Variants in NRXN3 observed in about 807,000 individuals in gnomAD.
NRXN3 encodes the protein neurexin III.
A neutral mutation model predicts 137.6 loss-of-function variants in NRXN3; 32 were observed. The observed-to-expected ratio is 0.23, with a 90% confidence interval of 0.18 to 0.31. NRXN3 has a LOEUF of 0.31. NRXN3 is among the 10% of genes least tolerant of loss of function. NRXN3 has a pLI of 1.00. For missense variants in NRXN3, 1,574 were observed against 2,062.5 expected, an observed-to-expected ratio of 0.76 and a Z score of 4.59; for synonymous variants, 798 against 784.5, an observed-to-expected ratio of 1.02 and a Z score of -0.29.
intron 16 of NRXN3, among the ~76,000 whole-genome samples, chr14:79,526,791 A>C (rs1381758790): frequency 6.6e-6 from 1 of 152,178 alleles, no homozygotes; most frequent in East Asian, 1.9e-4. Context: ...CGTGAGAGAC[A>C]CTTATTGGAA....
intron 10 of NRXN3, among the ~76,000 whole-genome samples, chr14:78,820,842 A>G (rs780592008): frequency 6.6e-6 from 1 of 152,210 alleles, no homozygotes; most frequent in Non-Finnish European, 1.5e-5. Context: ...GCAAAATGTA[A>G]TGGAGATCAT....
chr14:79,727,319 C>A (rs1338341252), intron 19 of NRXN3, among the ~76,000 whole-genome samples: 1 of 152,088 alleles, frequency 6.6e-6, no homozygotes, highest in Non-Finnish European at 1.5e-5. Context: ...GTATGAGTAG[C>A]CGGGAATATT....
chr14:79,604,764 G>T (rs990084546), intron 16 of NRXN3, among the ~76,000 whole-genome samples: 12 of 152,066 alleles, frequency 7.9e-5, no homozygotes, highest in Non-Finnish European at 1.6e-4. Context: ...GGGTGTGGCG[G>T]CTCATGCCTA....
At chr14:79,778,414 TCAAAACAAAAAAACAAAACAAAA>T (rs1414552427) in intron 19 of NRXN3, among the ~76,000 whole-genome samples, 7 of 152,100 alleles carry the variant, frequency 4.6e-5, no homozygotes, top group African/African-American at 1.4e-4. Context: ...AGACTCTGTC[TCAAAACAAAAAAACAAAACAAAA>T]CAAAACAAAA....
intron 19 of NRXN3, among the ~76,000 whole-genome samples, chr14:79,748,470 C>T (rs1393518448): frequency 1.3e-5 from 2 of 152,060 alleles, no homozygotes; most frequent in Non-Finnish European, 2.9e-5. Context: ...TTTGCCAAGC[C>T]ATCCAGATAC....
At chr14:79,541,822 A>G (rs1366342256) in intron 16 of NRXN3, among the ~76,000 whole-genome samples, 1 of 152,228 alleles carries the variant, frequency 6.6e-6, no homozygotes, top group Non-Finnish European at 1.5e-5. Context: ...ACACATCATG[A>G]GGAACCATCA....
intron 16 of NRXN3, among the ~76,000 whole-genome samples, chr14:79,592,672 T>C (rs998061451): frequency 1.3e-5 from 2 of 152,212 alleles, no homozygotes; most frequent in East Asian, 3.8e-4. Flanking sequence ...AAAATGATTT[T>C]CTAAGACCTT....
chr14:78,397,800 C>T (rs1218367234), intron 4 of NRXN3, among the ~76,000 whole-genome samples: 1 of 149,496 alleles, frequency 6.7e-6, no homozygotes, highest in Non-Finnish European at 1.5e-5. Flanking sequence ...GACAGGGTTT[C>T]ACCAGGTTGC....
chr14:79,086,347 T>C (rs532748405), intron 15 of NRXN3, among the ~76,000 whole-genome samples: 1 of 152,152 alleles, frequency 6.6e-6, no homozygotes, highest in African/African-American at 2.4e-5. Flanking sequence ...ACCATTTGCC[T>C]CTCTACTAGG....
intron 15 of NRXN3, among the ~76,000 whole-genome samples, chr14:79,089,780 A>G (rs1418716920): frequency 6.6e-6 from 1 of 152,076 alleles, no homozygotes; most frequent in East Asian, 1.9e-4. Context: ...TCTTCTGCAC[A>G]TTTTTGGCAT....
At chr14:79,833,092 C>T (rs1011336327) in intron 20 of NRXN3, among the ~76,000 whole-genome samples, 3 of 152,218 alleles carry the variant, frequency 2.0e-5, no homozygotes, top group African/African-American at 7.2e-5. Context: ...AGCCACAGCA[C>T]GTCTTTCCTA....
intron 2 of NRXN3, among the ~76,000 whole-genome samples, chr14:78,257,701 G>A (rs981254880): frequency 3.3e-5 from 5 of 152,218 alleles, no homozygotes; most frequent in African/African-American, 1.2e-4. Flanking sequence ...ACGAGAGGAT[G>A]AGTTAGGGAG....
At chr14:79,574,450 TTGAA>T (rs1234415539) in intron 16 of NRXN3, among the ~76,000 whole-genome samples, 5 of 152,208 alleles carry the variant, frequency 3.3e-5, no homozygotes, top group Non-Finnish European at 5.9e-5. Context: ...TTAGATATGA[TTGAA>T]TAAGATATTT....
chr14:78,816,023 C>A (rs757977371), intron 10 of NRXN3, among the ~76,000 whole-genome samples: 2 of 152,134 alleles, frequency 1.3e-5, no homozygotes, highest in Non-Finnish European at 2.9e-5. Flanking sequence ...ATCTTCATAA[C>A]GCATATTTTT....
At chr14:79,002,659 A>G (rs2099543994) in intron 15 of NRXN3, among the ~76,000 whole-genome samples, 1 of 152,164 alleles carries the variant, frequency 6.6e-6, no homozygotes, top group Non-Finnish European at 1.5e-5. Flanking sequence ...TGCTAATGTG[A>G]ATAGTGCTGC....
At chr14:79,197,512 T>C (rs539708413) in intron 15 of NRXN3, among the ~76,000 whole-genome samples, 1 of 151,320 alleles carries the variant, frequency 6.6e-6, no homozygotes, top group South Asian at 2.1e-4. Flanking sequence ...GCTTATCTAC[T>C]GTTTTTTCTT....
At position 79,861,167 on chromosome 14, in the gene NRXN3, G is replaced by A. The variant is rs1568482948; in HGVS notation, c.4094-175G>A. On this transcript the variant is annotated intron_variant, in intron 20 of 20. Transcript: ENST00000335750. The surrounding 1 kb of genome is among the most constrained non-coding windows in gnomAD (Gnocchi z 5.4). The stretch of plus-strand genomic sequence containing the variant: ...CCTCACCATTATTGAGACCACCAAA[G>A]ATTCCCTGTCCATGACCTCTGAGGC... 4.6e-6 allele frequency: 7 copies of A among 1,529,750 alleles called. No homozygotes were observed. Among genetic ancestry groups the A allele is most frequent in the South Asian group, 1.2e-5 (1 of 83,164 alleles). 94.8% of individuals were successfully genotyped at this position (1,529,750 alleles called of 1,614,324 possible). A position where few individuals can be genotyped will look rare whatever the true frequency, so the allele number is the denominator to read the frequency against.
At chr14:79,458,299 G>C (rs1457143667) in intron 15 of NRXN3, among the ~76,000 whole-genome samples, 1 of 152,136 alleles carries the variant, frequency 6.6e-6, no homozygotes, top group African/African-American at 2.4e-5. Context: ...TTTGTGGTTA[G>C]GTTTCTTTTA....
At chr14:78,584,905 A>G (rs565310662) in intron 4 of NRXN3, among the ~76,000 whole-genome samples, 1 of 152,152 alleles carries the variant, frequency 6.6e-6, no homozygotes, top group South Asian at 2.1e-4. Flanking sequence ...GGTATTATAT[A>G]CTTGTTTTTG....
Sources: gnomAD v4.1 joint callset for allele counts (sites outside exome capture counted in the v4.1 genomes callset) on GRCh38, gnomAD v4.1.1 for gene constraint, Gnocchi (gnomAD v3.1) non-coding constraint, MANE v1.5 for transcripts, NCBI Gene and HGNC (gene_info 2026-07-23, HGNC 2026-07-21) for gene names.